ZNF654: variants seen among roughly 807,000 people sequenced by gnomAD.
ZNF654 encodes zinc finger protein 654, also known as melanoma-associated antigen.
A neutral mutation model predicts 95.3 loss-of-function variants in ZNF654; 19 were observed. The ratio of observed to expected loss-of-function variants is 0.20; its 90% confidence interval spans 0.14 to 0.29. The LOEUF is 0.29. Ranked by LOEUF, ZNF654 falls within the 10% of genes least tolerant of loss-of-function variation. ZNF654 has a pLI of 1.00. For synonymous variants in ZNF654, 413 were observed against 457.9 expected, an observed-to-expected ratio of 0.90 and a Z score of 1.25; for missense variants, 1,046 against 1,341.0, an observed-to-expected ratio of 0.78 and a Z score of 3.44.
intron 2 of ZNF654, among the ~76,000 whole-genome samples, chr3:88,104,347 GC>G (rs2107730771): frequency 6.6e-6 from 1 of 152,250 alleles, no homozygotes; most frequent in African/African-American, 2.4e-5. Context: ...TTTTAAAAGG[GC>G]TAGATATTTT....
intron 1 of ZNF654, among the ~76,000 whole-genome samples, chr3:88,074,333 T>C (rs575177021): frequency 7.2e-6 from 1 of 138,026 alleles, no homozygotes; most frequent in Non-Finnish European, 1.5e-5. Flanking sequence ...CCAGGCTCTT[T>C]TTATATCTTA....
chr3:88,072,193 G>T (rs545796955), intron 1 of ZNF654, among the ~76,000 whole-genome samples: 2 of 152,126 alleles, frequency 1.3e-5, no homozygotes, highest in African/African-American at 4.8e-5. Flanking sequence ...AGGGAGAAAA[G>T]GCATATCTAA....
intron 1 of ZNF654, 68 bp from the exon 2 acceptor site, chr3:88,086,189 T>C: frequency 7.0e-7 from 1 of 1,426,384 alleles, no homozygotes; most frequent in African/African-American, 1.4e-5. Context: ...GTAACTTTTA[T>C]GCAAATTTTT....
rs1268955581 is a variant in ZNF654 at position 88,059,435 on chromosome 3, G to A, written c.116G>A (p.Gly39Asp). 1.3e-6 allele frequency: 2 copies of A among 1,521,888 alleles called. No homozygotes were observed. Among genetic ancestry groups the A allele is most frequent in the Non-Finnish European group, 1.8e-6 (2 of 1,142,100 alleles). The allele number at this position is 1,521,888 out of a possible 1,614,324, so 94.3% of individuals were successfully genotyped here. The change falls in exon 1 of 9, where the codon GGC (glycine) becomes GAC (aspartate). Residue 39 changes from glycine (G) to aspartate (D), a missense_variant. Coordinates refer to ENST00000636215, the MANE Select transcript of ZNF654 (RefSeq NM_001350134.2). ...GLRAAGDGRG[G>D]AGSGNCGGGV... ...AGAGCTGCGGGCGACGGCAGAGGCG[G>A]CGCTGGCAGCGGCAACTGCGGCGGC...
intron 4 of ZNF654, among the ~76,000 whole-genome samples, chr3:88,127,529 G>T (rs1706189278): frequency 6.6e-6 from 1 of 152,100 alleles, no homozygotes; most frequent in African/African-American, 2.4e-5. Flanking sequence ...CAAATATAGG[G>T]AAGGCAAGGG....
Position 88,138,768 on chromosome 3 carries a change from CATG to C in ZNF654, c.1105_1107del (p.Asp369del), listed in dbSNP as rs1706956471. The C allele has an allele frequency of 8.1e-7, 1 of 1,232,018 alleles. No homozygotes were observed. Among genetic ancestry groups the C allele is most frequent in the East Asian group, 3.2e-5 (1 of 31,686 alleles). 76.3% of individuals were successfully genotyped at this position (1,232,018 alleles called of 1,614,324 possible). Reference sequence around the variant, plus strand: ...TGGTTGTGCTCTACAACTCGACCTTCATGATGATCCCAAAACTAAATGTCTAAT... The same window carrying C: ...TGGTTGTGCTCTACAACTCGACCTTCATGATCCCAAAACTAAATGTCTAAT... On this transcript the variant is annotated inframe_deletion, in exon 8 of 9. Coordinates refer to ENST00000636215, the MANE Select transcript of ZNF654 (RefSeq NM_001350134.2).
At chr3:88,073,689 A>G (rs772697206) in intron 1 of ZNF654, among the ~76,000 whole-genome samples, 1 of 152,210 alleles carries the variant, frequency 6.6e-6, no homozygotes, top group Admixed American at 6.5e-5. Flanking sequence ...GGGAGGAATA[A>G]TTAAGGTATC....
Position 88,140,997 on chromosome 3 carries a change from C to T in ZNF654, c.3328C>T (p.Leu1110Phe). 1 of 1,611,918 alleles carries T rather than the reference C, an allele frequency of 6.2e-7. No homozygotes were observed. The highest frequency in any genetic ancestry group is 8.5e-7 in the Non-Finnish European group (1 of 1,179,018). ...TAATGCAGAAGCACTTGAGGCTCAT[C>T]TTGCACAAAAGAAATGTCAGACACT... ...YCNAEALEAH[L>F]AQKKCQTLFG... Residue 1110 changes from leucine to phenylalanine, a missense_variant, in exon 8 of 9, where the codon CTT becomes TTT. Leu to Phe is a conservative substitution (Grantham distance 22). Coordinates refer to ENST00000636215, the MANE Select transcript of ZNF654 (RefSeq NM_001350134.2).
rs775701617 is a variant in ZNF654 at position 88,140,875 on chromosome 3, T to A, written c.3206T>A (p.Phe1069Tyr). 11 of 1,613,496 alleles carry A rather than the reference T, an allele frequency of 6.8e-6. No homozygotes were observed. Among genetic ancestry groups the A allele is most frequent in the Non-Finnish European group, 9.3e-6 (11 of 1,179,686 alleles). Reference sequence around the variant, plus strand: ...CTTAGTATGCCAAAACGCAGAAAATTTCTGACTGATAGAGTAGATGCCTGT... The same window carrying A: ...CTTAGTATGCCAAAACGCAGAAAATATCTGACTGATAGAGTAGATGCCTGT... ...RYLSMPKRRKFLTDRVDACSD... is the reference protein window; with the variant it reads ...RYLSMPKRRKYLTDRVDACSD... Residue 1069 changes from phenylalanine to tyrosine, a missense_variant, in exon 8 of 9, where the codon TTT becomes TAT. Around this residue, in one of 9 missense-constraint regions of ZNF654, gnomAD observed 59 missense variants for 73.0 expected, o/e 0.81. Coordinates refer to ENST00000636215, the MANE Select transcript of ZNF654 (RefSeq NM_001350134.2).
chr3:88,091,598 G>A (rs1432031131), intron 2 of ZNF654, among the ~76,000 whole-genome samples: 2 of 152,058 alleles, frequency 1.3e-5, no homozygotes, highest in Non-Finnish European at 2.9e-5. Flanking sequence ...TGGTTTCACT[G>A]TGTCCCCACC....
intron 2 of ZNF654, among the ~76,000 whole-genome samples, chr3:88,094,354 G>T (rs974992382): frequency 6.6e-6 from 1 of 151,990 alleles, no homozygotes; most frequent in Admixed American, 6.6e-5. Context: ...TCCTTTTATT[G>T]ATTTTGGAGT....
At chr3:88,124,122 T>G (rs112617092) in intron 3 of ZNF654, among the ~76,000 whole-genome samples, 7 of 152,342 alleles carry the variant, frequency 4.6e-5, no homozygotes, top group African/African-American at 1.7e-4. Context: ...TTATTCGAAC[T>G]GTTAAAATAC....
rs753231217 is a variant in ZNF654, at chr3:88,139,861, T to C, written c.2192T>C (p.Val731Ala). 2.5e-6 allele frequency: 4 copies of C among 1,601,804 alleles called. No homozygotes were observed. Among genetic ancestry groups the C allele is most frequent in the Non-Finnish European group, 3.4e-6 (4 of 1,173,562 alleles). The part of the protein sequence containing the change: ...TSVIHKINGT[V>A]CHPKDIYATD... ...GTAATTCATAAAATCAATGGAACTG[T>C]GTGCCATCCAAAAGACATATATGCC... Residue 731 changes from valine (V) to alanine (A), a missense_variant, in exon 8 of 9, where the codon GTG (valine) becomes GCG (alanine). Coordinates refer to ENST00000636215, the MANE Select transcript of ZNF654 (RefSeq NM_001350134.2).
intron 4 of ZNF654, 51 bp downstream of exon 4, chr3:88,126,320 C>G: frequency 7.2e-7 from 1 of 1,392,782 alleles, no homozygotes; most frequent in East Asian, 2.6e-5. Flanking sequence ...AGCAAATACA[C>G]TTTCATTTAC....
Position 88,140,969 on chromosome 3 carries a change from C to T in ZNF654, c.3300C>T (p.Tyr1100=). The T allele has an allele frequency of 6.2e-7, 1 of 1,613,404 alleles. No homozygotes were observed. Among genetic ancestry groups the T allele is most frequent in the South Asian group, 1.1e-5 (1 of 91,062 alleles). ...RLRCGKCLTT[Y]CNAEALEAHL... ...GATGTGGCAAATGCCTGACCACCTA[C>T]TGTAATGCAGAAGCACTTGAGGCTC... The change falls in exon 8 of 9, where the codon TAC becomes TAT. Residue 1100 remains tyrosine, a synonymous_variant. Coordinates refer to ENST00000636215, the MANE Select transcript of ZNF654 (RefSeq NM_001350134.2).
Position 88,143,077 on chromosome 3 carries a change from A to C in ZNF654, c.*1425A>C, listed in dbSNP as rs1012947236. ...CAATGTCAAATATTCCAGTTATTCT[A>C]AATAATAAAATCTTTGTTCAAGGCA... On this transcript the variant is annotated 3_prime_UTR_variant, in exon 9 of 9. Transcript: ENST00000636215. 6.6e-6 allele frequency: 1 copy of C among 152,292 alleles called. No homozygotes were observed. The highest frequency in any genetic ancestry group is 1.5e-5 in the Non-Finnish European group (1 of 67,772). The allele number at this position is 152,292 out of a possible 1,614,324, so 9.4% of individuals were successfully genotyped here. A position where few individuals can be genotyped will look rare whatever the true frequency, so the allele number is the denominator to read the frequency against.
chr3:88,059,294 G>A lies in ZNF654; in HGVS notation c.-26G>A. ...CGGCGGCGGCGGCGGCGCAGGGGCTGGTACGCGCTGGGCGGCGAGAGCCTC... is the reference window on the plus strand; with the variant it reads ...CGGCGGCGGCGGCGGCGCAGGGGCTAGTACGCGCTGGGCGGCGAGAGCCTC... On this transcript the variant is annotated 5_prime_UTR_variant, in exon 1 of 9. Coordinates refer to ENST00000636215, the MANE Select transcript of ZNF654 (RefSeq NM_001350134.2). 3 of 1,532,406 alleles carry A rather than the reference G, an allele frequency of 2.0e-6. No homozygotes were observed. The highest frequency in any genetic ancestry group is 2.6e-6 in the Non-Finnish European group (3 of 1,146,188). 94.9% of individuals were successfully genotyped at this position (1,532,406 alleles called of 1,614,324 possible). A position where few individuals can be genotyped will look rare whatever the true frequency, so the allele number is the denominator to read the frequency against.
At position 88,112,966 on chromosome 3, in the gene ZNF654, A is replaced by G. The variant is rs906773912; in HGVS notation, c.333-149A>G. 7.3e-5 allele frequency: 39 copies of G among 537,044 alleles called. 1 individual carries two copies. The highest frequency in any genetic ancestry group is 8.8e-5 in the Non-Finnish European group (27 of 308,290). 33.3% of individuals were successfully genotyped at this position (537,044 alleles called of 1,614,324 possible). A position where few individuals can be genotyped will look rare whatever the true frequency, so the allele number is the denominator to read the frequency against. On this transcript the variant is annotated intron_variant, in intron 2 of 8. Transcript: ENST00000636215. ...CTTCTTTTAAAATCTTACAGAAAAC[A>G]TAATATGAATTCTAGTGTTCAGTAC...
chr3:88,105,621 T>G (rs1286778446), intron 2 of ZNF654, among the ~76,000 whole-genome samples: 1 of 152,198 alleles, frequency 6.6e-6, no homozygotes, highest in Non-Finnish European at 1.5e-5. Flanking sequence ...CTTGTACCAT[T>G]TTGTATAACC....
Sources: allele counts gnomAD v4.1 joint callset (sites outside exome capture counted in the v4.1 genomes callset), GRCh38; gene constraint gnomAD v4.1.1; regional missense constraint gnomAD v4.1.1; transcripts MANE v1.5; gene names NCBI Gene and HGNC (gene_info 2026-07-23, HGNC 2026-07-21).